Variants in PAPSS2 observed in about 807,000 individuals in gnomAD.
PAPSS2 encodes 3'-phosphoadenosine 5'-phosphosulfate synthase 2, also known as bifunctional 3'-phosphoadenosine 5'-phosphosulfate synthase 2.
Under a neutral mutation model 66.5 loss-of-function variants are expected in PAPSS2, and 61 were observed. That is an observed-to-expected ratio of 0.92 (90% CI 0.75 to 1.14). PAPSS2 has a LOEUF of 1.14. PAPSS2 is among the 50% of genes most tolerant of loss of function. PAPSS2 has a pLI of 0.00. For synonymous variants in PAPSS2, 289 were observed against 287.5 expected (o/e 1.01, Z -0.05); for missense variants, 708 against 789.6 (o/e 0.90, Z 1.24).
chr10:87,698,200 G>A (rs914693530), intron 1 of PAPSS2, among the ~76,000 whole-genome samples: 2 of 152,058 alleles, frequency 1.3e-5, no homozygotes, highest in Admixed American at 6.6e-5. Context: ...TAGTGGCTTC[G>A]AAAAGTCAAA....
At position 87,686,118 on chromosome 10, in the gene PAPSS2, C is replaced by G. The variant is rs79706200; in HGVS notation, c.28-23078C>G. On this transcript the variant is annotated intron_variant, in intron 1 of 12. Transcript: ENST00000456849. ...GAAAAATAAGAAGTGATTTTGGCAG[C>G]CTTTGAATCTGGATGGAAGGTGGTT... Among the ~76,000 whole-genome samples the G allele has an allele frequency of 1.1e-3, 164 of 150,108 alleles. 1 individual carries two copies. Among genetic ancestry groups the G allele is most frequent in the African/African-American group, 3.7e-3 (150 of 40,896 alleles).
chr10:87,659,882 G>GCTA lies in PAPSS2; in HGVS notation c.-98_-97insACT, dbSNP rs1852724376. 5.7e-6 allele frequency: 5 copies of GCTA among 876,552 alleles called. No homozygotes were observed. The Admixed American group carries it at 7.4e-5, about 13-fold the overall frequency. 54.3% of individuals were successfully genotyped at this position (876,552 alleles called of 1,614,324 possible). A position where few individuals can be genotyped will look rare whatever the true frequency, so the allele number is the denominator to read the frequency against. On this transcript the variant is annotated 5_prime_UTR_variant, in exon 1 of 13. Transcript: ENST00000456849. ...CCTCCTTCCCGGGAGTCCGGCAGCCGCTGCTGCTGCTGCTGCTGCTGCTGC... is the reference window on the plus strand; with the variant it reads ...CCTCCTTCCCGGGAGTCCGGCAGCCGCTACTGCTGCTGCTGCTGCTGCTGCTGC...
chr10:87,693,513 A>G (rs1272065146), intron 1 of PAPSS2, among the ~76,000 whole-genome samples: 2 of 152,218 alleles, frequency 1.3e-5, no homozygotes, highest in African/African-American at 4.8e-5. Flanking sequence ...TTAATTAGCT[A>G]TCTTTGGATT....
chr10:87,681,431 G>T (rs914963712), intron 1 of PAPSS2, among the ~76,000 whole-genome samples: 9 of 152,166 alleles, frequency 5.9e-5, no homozygotes, highest in African/African-American at 2.2e-4. Flanking sequence ...GACAAAAATT[G>T]TACATTTTGG....
intron 1 of PAPSS2, among the ~76,000 whole-genome samples, chr10:87,694,425 G>T (rs1201857606): frequency 1.3e-5 from 2 of 152,220 alleles, no homozygotes; most frequent in East Asian, 1.9e-4. Context: ...AGGAGTTTAG[G>T]AAAGAAGCAT....
At chr10:87,705,909 T>A (rs1317202292) in intron 1 of PAPSS2, among the ~76,000 whole-genome samples, 9 of 150,850 alleles carry the variant, frequency 6.0e-5, no homozygotes, top group African/African-American at 2.2e-4. Flanking sequence ...AATTTTTGTA[T>A]TTTTAGTAGT....
At chr10:87,661,116 A>G (rs1589414994) in intron 1 of PAPSS2, 3 of 437,574 alleles carry the variant, frequency 6.9e-6, no homozygotes, top group East Asian at 7.1e-5. Flanking sequence ...TTTGAGGTGT[A>G]TTTGTGGTGG....
At chr10:87,691,385 A>C (rs1853169515) in intron 1 of PAPSS2, among the ~76,000 whole-genome samples, 1 of 152,144 alleles carries the variant, frequency 6.6e-6, no homozygotes, top group South Asian at 2.1e-4. Flanking sequence ...CCATCTGGTG[A>C]AGAAGGCCGA....
Position 87,744,945 on chromosome 10 carries a change from C to G in PAPSS2, c.1492-57C>G, listed in dbSNP as rs1277194758. Reference sequence around the variant, plus strand: ...GTAGAATAAAGGTGTCTCCATAAACCATGACCTACAGATTTGACCCACAAT... The same window carrying G: ...GTAGAATAAAGGTGTCTCCATAAACGATGACCTACAGATTTGACCCACAAT... On this transcript the variant is annotated intron_variant, in intron 11 of 12. Transcript: ENST00000456849. 3 of 1,452,600 alleles carry G rather than the reference C, an allele frequency of 2.1e-6. No homozygotes were observed. The Admixed American group carries it at 5.1e-5, about 25-fold the overall frequency. The allele number at this position is 1,452,600 out of a possible 1,614,324, so 90.0% of individuals were successfully genotyped here. A position where few individuals can be genotyped will look rare whatever the true frequency, so the allele number is the denominator to read the frequency against.
chr10:87,660,387 C>T, intron 1 of PAPSS2: 1 of 355,728 alleles, frequency 2.8e-6, no homozygotes, highest in Non-Finnish European at 5.1e-6. Flanking sequence ...GCAGATCGAG[C>T]TGACTCCCGT....
rs572230479 is a variant in PAPSS2 at position 87,715,351 on chromosome 10, A to G, written c.753+253A>G. On this transcript the variant is annotated intron_variant, in intron 6 of 12. Coordinates refer to ENST00000456849, the MANE Select transcript of PAPSS2 (RefSeq NM_001015880.2). ...ATAACTTCTGTATTTGCATTGGACAATTTTACATAGCTGTCATTGTACCAG... is the reference window on the plus strand; with the variant it reads ...ATAACTTCTGTATTTGCATTGGACAGTTTTACATAGCTGTCATTGTACCAG... Among the ~76,000 whole-genome samples, 15 of 152,340 alleles carry G rather than the reference A, an allele frequency of 9.8e-5. No homozygotes were observed. In the East Asian group the frequency reaches 2.9e-3, roughly 29 times the overall value.
chr10:87,684,552 G>A (rs1473751930), intron 1 of PAPSS2, among the ~76,000 whole-genome samples: 11 of 152,186 alleles, frequency 7.2e-5, no homozygotes, highest in South Asian at 2.1e-4. Flanking sequence ...TTTTAAATAC[G>A]TGGAACCGTA....
chr10:87,738,518 TC>T (rs1162274268), intron 9 of PAPSS2, among the ~76,000 whole-genome samples: 1 of 152,100 alleles, frequency 6.6e-6, no homozygotes, highest in African/African-American at 2.4e-5. Context: ...CAGGTGATCC[TC>T]CCACCTCAGC....
chr10:87,697,634 G>A (rs1853251195), intron 1 of PAPSS2, among the ~76,000 whole-genome samples: 1 of 152,240 alleles, frequency 6.6e-6, no homozygotes, highest in African/African-American at 2.4e-5. Context: ...AGATTCCAGA[G>A]CATATGAGGA....
intron 1 of PAPSS2, among the ~76,000 whole-genome samples, chr10:87,666,933 C>T (rs1335267973): frequency 1.3e-5 from 2 of 152,024 alleles, no homozygotes; most frequent in East Asian, 3.9e-4. Context: ...CTTTCAGAGC[C>T]CCCAGGGCTA....
intron 9 of PAPSS2, among the ~76,000 whole-genome samples, chr10:87,737,880 C>T (rs137955240): frequency 2.5e-3 from 387 of 152,260 alleles, no homozygotes; most frequent in Non-Finnish European, 4.3e-3. Flanking sequence ...CTTCCTCCAG[C>T]CCGTGGTAAC....
At chr10:87,682,798 A>G (rs1056229401) in intron 1 of PAPSS2, among the ~76,000 whole-genome samples, 30 of 152,294 alleles carry the variant, frequency 2.0e-4, no homozygotes, top group African/African-American at 6.7e-4. Flanking sequence ...CAATAAAAAG[A>G]AGGAGCATGT....
chr10:87,698,706 A>G (rs761509712), intron 1 of PAPSS2, among the ~76,000 whole-genome samples: 1 of 152,080 alleles, frequency 6.6e-6, no homozygotes, highest in Non-Finnish European at 1.5e-5. Flanking sequence ...TACGAACGAT[A>G]TTTTCCTTAG....
chr10:87,700,264 A>T (rs574592281), intron 1 of PAPSS2, among the ~76,000 whole-genome samples: 11 of 152,330 alleles, frequency 7.2e-5, no homozygotes, highest in African/African-American at 2.6e-4. Context: ...TGGCAGAGAA[A>T]ATTATAGTGA....
Sources: allele counts gnomAD v4.1 joint callset (sites outside exome capture counted in the v4.1 genomes callset), GRCh38; gene constraint gnomAD v4.1.1; transcripts MANE v1.5; gene names NCBI Gene and HGNC (gene_info 2026-07-23, HGNC 2026-07-21).